The following QTMAN variants were observed in gnomAD, a reference collection of about 807,000 sequenced individuals.
The protein encoded by QTMAN is tRNA-queuosine alpha-mannosyltransferase.
At chr2:144,019,395 G>A in the QTMAN span, among the ~76,000 whole-genome samples, 1 of 150,642 alleles carries the variant, frequency 6.6e-6, no homozygotes, top group Non-Finnish European at 1.5e-5. Flanking sequence ...AGCGGTGGTT[G>A]AGCAGAGAGG....
At chr2:144,241,114 C>T in the QTMAN span, among the ~76,000 whole-genome samples, 1 of 152,162 alleles carries the variant, frequency 6.6e-6, no homozygotes, top group African/African-American at 2.4e-5. Flanking sequence ...CACTGGTTCT[C>T]GAAGTGTGGT....
chr2:144,009,464 G>C, the QTMAN span, among the ~76,000 whole-genome samples: 1 of 152,160 alleles, frequency 6.6e-6, no homozygotes, highest in East Asian at 1.9e-4. Context: ...TTGGCTGTAG[G>C]ACCCTATGTA....
the QTMAN span, among the ~76,000 whole-genome samples, chr2:144,113,726 T>C: frequency 6.6e-6 from 1 of 152,260 alleles, no homozygotes; most frequent in Non-Finnish European, 1.5e-5. Flanking sequence ...ATTTATTAAC[T>C]GCAGAGAGGA....
the QTMAN span, among the ~76,000 whole-genome samples, chr2:144,037,190 T>C: frequency 7.9e-5 from 12 of 152,196 alleles, no homozygotes; most frequent in Non-Finnish European, 1.8e-4. Context: ...TAGAACTAAA[T>C]AGAAGTGTTT....
the QTMAN span, among the ~76,000 whole-genome samples, chr2:144,065,672 A>C: frequency 2.6e-5 from 4 of 152,222 alleles, no homozygotes; most frequent in South Asian, 8.3e-4. Flanking sequence ...TCTTTGTAAG[A>C]AGTCCTCCTA....
chr2:143,996,020 C>T, the QTMAN span, among the ~76,000 whole-genome samples: 19 of 152,252 alleles, frequency 1.2e-4, no homozygotes, highest in East Asian at 2.5e-3. Flanking sequence ...ACTGCTACTA[C>T]CCCAGTCAAA....
the QTMAN span, among the ~76,000 whole-genome samples, chr2:144,244,251 G>A: frequency 3.7e-4 from 56 of 152,264 alleles, 1 homozygote; most frequent in African/African-American, 1.1e-3. Flanking sequence ...TGTGATCTAC[G>A]TGTTTCATGT....
the QTMAN span, among the ~76,000 whole-genome samples, chr2:144,168,994 G>A: frequency 6.6e-6 from 1 of 152,012 alleles, no homozygotes; most frequent in African/African-American, 2.4e-5. Flanking sequence ...TTTACTGAGG[G>A]ATGATCCATG....
At chr2:144,073,477 T>C in the QTMAN span, among the ~76,000 whole-genome samples, 1 of 152,068 alleles carries the variant, frequency 6.6e-6, no homozygotes, top group Non-Finnish European at 1.5e-5. Flanking sequence ...TTTGAACAAA[T>C]AATTTTGTGC....
the QTMAN span, among the ~76,000 whole-genome samples, chr2:144,193,422 T>A: frequency 2.0e-5 from 3 of 148,350 alleles, no homozygotes; most frequent in Non-Finnish European, 3.0e-5. Flanking sequence ...ATATATTATG[T>A]TATATATAAT....
At chr2:144,031,015 C>G in the QTMAN span, among the ~76,000 whole-genome samples, 3 of 152,128 alleles carry the variant, frequency 2.0e-5, no homozygotes, top group East Asian at 1.9e-4. Context: ...CACTTCTGTT[C>G]GTTCGAGTGG....
At chr2:144,289,796 T>C in the QTMAN span, among the ~76,000 whole-genome samples, 3 of 152,344 alleles carry the variant, frequency 2.0e-5, no homozygotes, top group African/African-American at 7.2e-5. Context: ...AACTATGTGC[T>C]ATCTACAAGA....
At chr2:144,127,901 C>T in the QTMAN span, 2 of 151,962 alleles carry the variant, frequency 1.3e-5, no homozygotes, top group Admixed American at 1.3e-4. Context: ...TCTCCCTTAC[C>T]CTATCCCATA....
chr2:144,099,760 C>T, the QTMAN span, among the ~76,000 whole-genome samples: 1 of 152,192 alleles, frequency 6.6e-6, no homozygotes, highest in Non-Finnish European at 1.5e-5. Flanking sequence ...TCTGTGACCA[C>T]ATCTTTTAAG....
the QTMAN span, among the ~76,000 whole-genome samples, chr2:144,094,384 C>T: frequency 6.6e-6 from 1 of 152,164 alleles, no homozygotes. Context: ...GTCATTCATT[C>T]ACTCACTGGT....
At chr2:144,028,719 T>C in the QTMAN span, among the ~76,000 whole-genome samples, 2 of 152,352 alleles carry the variant, frequency 1.3e-5, no homozygotes, top group East Asian at 1.9e-4. Flanking sequence ...GTGGATATAC[T>C]CTTTGAAAGA....
At chr2:144,114,295 C>CT in the QTMAN span, among the ~76,000 whole-genome samples, 13 of 152,168 alleles carry the variant, frequency 8.5e-5, no homozygotes, top group African/African-American at 2.9e-4. Context: ...AGACACCATA[C>CT]TTTTTTTCCG....
At chr2:144,243,744 G>C in the QTMAN span, among the ~76,000 whole-genome samples, 1 of 152,038 alleles carries the variant, frequency 6.6e-6, no homozygotes, top group Non-Finnish European at 1.5e-5. Flanking sequence ...ATATACTACT[G>C]TATTTTACTA....
chr2:144,091,731 G>C, the QTMAN span, among the ~76,000 whole-genome samples: 1 of 152,136 alleles, frequency 6.6e-6, no homozygotes, highest in Non-Finnish European at 1.5e-5. Flanking sequence ...AGACTTGCAT[G>C]CAAATGTTCA....
Sources: allele counts gnomAD v4.1 joint callset (sites outside exome capture counted in the v4.1 genomes callset), GRCh38; gene constraint gnomAD v4.1.1; transcripts MANE v1.5; gene names NCBI Gene and HGNC (gene_info 2026-07-23, HGNC 2026-07-21).